SGCZ: variants seen among roughly 807,000 people sequenced by gnomAD.
SGCZ encodes the protein zeta-sarcoglycan.
SGCZ carries 40 observed loss-of-function variants against 41.3 expected under a neutral mutation model. That is an observed-to-expected ratio of 0.97 (90% CI 0.75 to 1.26). The LOEUF (loss-of-function observed/expected upper bound fraction) is 1.26. Among genes scored for constraint, SGCZ ranks in the 50% most tolerant of loss-of-function variants. SGCZ has a pLI of 0.00. For synonymous variants in SGCZ, 206 were observed against 137.5 expected (o/e 1.50, Z -3.49); for missense variants, 552 against 369.8 (o/e 1.49, Z -4.04).
At chr8:15,183,802 G>C (rs879563315) in intron 1 of SGCZ, among the ~76,000 whole-genome samples, 3 of 152,160 alleles carry the variant, frequency 2.0e-5, no homozygotes, top group Non-Finnish European at 4.4e-5. Flanking sequence ...TTATGGTAAT[G>C]CTTAGTTACA....
chr8:15,055,500 A>G (rs1804672526), intron 1 of SGCZ, among the ~76,000 whole-genome samples: 1 of 152,184 alleles, frequency 6.6e-6, no homozygotes, highest in African/African-American at 2.4e-5. Flanking sequence ...CATGAAAATT[A>G]GGCCCAAGAA....
intron 1 of SGCZ, among the ~76,000 whole-genome samples, chr8:15,006,132 G>C (rs903724591): frequency 6.6e-6 from 1 of 152,168 alleles, no homozygotes; most frequent in African/African-American, 2.4e-5. Flanking sequence ...GTGGGAAAGA[G>C]AGAGGAATAA....
intron 1 of SGCZ, among the ~76,000 whole-genome samples, chr8:15,056,502 T>C (rs780608268): frequency 3.3e-5 from 5 of 151,816 alleles, no homozygotes; most frequent in African/African-American, 4.8e-5. Context: ...AATACATGAA[T>C]GATGTTGTTT....
intron 1 of SGCZ, among the ~76,000 whole-genome samples, chr8:14,901,977 C>T (rs1409661347): frequency 6.6e-6 from 1 of 152,160 alleles, no homozygotes; most frequent in African/African-American, 2.4e-5. Flanking sequence ...GGCAAAATCA[C>T]TCACTAACTG....
At chr8:14,412,983 A>T (rs1195879728) in intron 2 of SGCZ, among the ~76,000 whole-genome samples, 1 of 152,044 alleles carries the variant, frequency 6.6e-6, no homozygotes, top group Non-Finnish European at 1.5e-5. Context: ...CATAATTTGT[A>T]TATTAAACTT....
rs534709564 is a variant in SGCZ, at chr8:14,377,978, C to T, written c.235-53774G>A. On this transcript the variant is annotated intron_variant, in intron 2 of 7. Coordinates refer to ENST00000382080, the MANE Select transcript of SGCZ (RefSeq NM_139167.4). ...AAGTCTTTGCTATTGTGAATAGTGC[C>T]GCAATAAACATACGTGTGCATGTGT... Among the ~76,000 whole-genome samples, 12 of 149,774 alleles carry T rather than the reference C, an allele frequency of 8.0e-5. No homozygotes were observed. In the South Asian group the frequency reaches 1.0e-3, roughly 13 times the overall value.
At chr8:14,106,945 G>T (rs777309569) in intron 6 of SGCZ, among the ~76,000 whole-genome samples, 9 of 152,200 alleles carry the variant, frequency 5.9e-5, no homozygotes, top group Non-Finnish European at 1.0e-4. Context: ...GGCTAGGCGC[G>T]GTGGCTCACG....
intron 2 of SGCZ, among the ~76,000 whole-genome samples, chr8:14,467,514 G>A (rs943927200): frequency 6.6e-6 from 1 of 152,046 alleles, no homozygotes; most frequent in Non-Finnish European, 1.5e-5. Flanking sequence ...ACATACAGGT[G>A]CCTGTCATGT....
At chr8:14,679,875 C>T (rs991820955) in intron 1 of SGCZ, among the ~76,000 whole-genome samples, 3 of 151,452 alleles carry the variant, frequency 2.0e-5, no homozygotes, top group East Asian at 1.9e-4. Context: ...CTCTTTGATA[C>T]TATATATTTT....
At chr8:14,169,757 G>T in intron 4 of SGCZ, among the ~76,000 whole-genome samples, 1 of 152,270 alleles carries the variant, frequency 6.6e-6, no homozygotes, top group South Asian at 2.1e-4. Flanking sequence ...CTTGATACAA[G>T]TTTTGAAAAA....
intron 5 of SGCZ, among the ~76,000 whole-genome samples, chr8:14,120,984 A>G (rs1802679512): frequency 1.3e-5 from 2 of 152,104 alleles, no homozygotes; most frequent in South Asian, 4.1e-4. Flanking sequence ...AACCTCCTCC[A>G]CAAAAAATTT....
rs1366307217 is a variant in SGCZ at position 14,090,271 on chromosome 8, G to T, written c.*172C>A. The T allele has an allele frequency of 5.8e-5, 33 of 570,042 alleles. 1 individual carries two copies. The East Asian group carries it at 9.1e-4, about 16-fold the overall frequency. The allele number at this position is 570,042 out of a possible 1,614,324, so 35.3% of individuals were successfully genotyped here. The stretch of plus-strand genomic sequence containing the variant: ...GTGTCAATCACACCCTCTGTGTTGA[G>T]CAGTACAGTAAATCACAAGAGAAGG... On this transcript the variant is annotated 3_prime_UTR_variant, in exon 8 of 8. Coordinates refer to ENST00000382080, the MANE Select transcript of SGCZ (RefSeq NM_139167.4).
At chr8:14,548,572 G>A (rs986799307) in intron 2 of SGCZ, among the ~76,000 whole-genome samples, 1 of 152,032 alleles carries the variant, frequency 6.6e-6, no homozygotes, top group Non-Finnish European at 1.5e-5. Context: ...CACGAGAAAT[G>A]CACATAACAA....
intron 2 of SGCZ, among the ~76,000 whole-genome samples, chr8:14,364,920 C>A (rs533548918): frequency 7.8e-4 from 118 of 152,146 alleles, no homozygotes; most frequent in South Asian, 5.4e-3. Flanking sequence ...AGTTCCTCCC[C>A]ACCCCAAATG....
chr8:15,237,898 G>C lies in SGCZ; in HGVS notation c.-275C>G. ...CACAGCTGAGTCGATTGAAACAGGG[G>C]CCAAAAGAAAAAAGGAAAAAAAAAT... is the stretch of plus-strand genomic sequence containing the variant. On this transcript the variant is annotated 5_prime_UTR_variant, in exon 1 of 8. Coordinates refer to ENST00000382080, the MANE Select transcript of SGCZ (RefSeq NM_139167.4). The C allele has an allele frequency of 2.9e-6, 1 of 345,860 alleles. No homozygotes were observed. Among genetic ancestry groups the C allele is most frequent in the East Asian group, 4.3e-5 (1 of 23,418 alleles). 21.4% of individuals were successfully genotyped at this position (345,860 alleles called of 1,614,324 possible).
chr8:15,210,523 A>G (rs1341075829), intron 1 of SGCZ, among the ~76,000 whole-genome samples: 1 of 152,108 alleles, frequency 6.6e-6, no homozygotes, highest in Admixed American at 6.6e-5. Context: ...CCTTACTTGC[A>G]ACCTGGCTCT....
At chr8:14,262,083 T>G (rs1281455656) in intron 3 of SGCZ, among the ~76,000 whole-genome samples, 1 of 152,182 alleles carries the variant, frequency 6.6e-6, no homozygotes, top group South Asian at 2.1e-4. Context: ...TGTGACACAT[T>G]ACTCCTTGCA....
At chr8:15,181,025 C>G (rs1800159703) in intron 1 of SGCZ, among the ~76,000 whole-genome samples, 2 of 152,088 alleles carry the variant, frequency 1.3e-5, no homozygotes, top group African/African-American at 2.4e-5. Context: ...AAACTATTGC[C>G]ATCTTTCAAT....
rs557971746 is a variant in SGCZ at position 14,252,221 on chromosome 8, T to C, written c.337-14542A>G. Among the ~76,000 whole-genome samples the C allele has an allele frequency of 1.4e-3, 207 of 152,270 alleles. 1 individual carries two copies. Among genetic ancestry groups the C allele is most frequent in the African/African-American group, 4.6e-3 (192 of 41,578 alleles). ...ATACATGCTGGCTTATGGCTTCATA[T>C]CTTGTGCTAGCAGTTCTTAGCTATG... is the stretch of plus-strand genomic sequence containing the variant. On this transcript the variant is annotated intron_variant, in intron 3 of 7. Transcript: ENST00000382080.
Sources: allele counts gnomAD v4.1 joint callset (sites outside exome capture counted in the v4.1 genomes callset), GRCh38; gene constraint gnomAD v4.1.1; transcripts MANE v1.5; gene names NCBI Gene and HGNC (gene_info 2026-07-23, HGNC 2026-07-21).